EMC3: variants seen among roughly 807,000 people sequenced by gnomAD.
The protein encoded by EMC3 is 30 kDa protein.
Under a neutral mutation model 36.6 loss-of-function variants are expected in EMC3, and 13 were observed. The observed-to-expected ratio is 0.35, with a 90% CI of 0.23 to 0.56. The LOEUF (loss-of-function observed/expected upper bound fraction) is 0.56, where lower values mean the gene tolerates loss of function less well. Ranked by LOEUF, EMC3 falls within the 20% of genes least tolerant of loss-of-function variation. The pLI, the probability that EMC3 is intolerant of heterozygous loss-of-function variation, is 0.84. For missense variants in EMC3, 220 were observed against 324.5 expected (o/e 0.68, Z 2.47); for synonymous variants, 120 against 111.9 (o/e 1.07, Z -0.46).
chr3:9,975,092 T>C lies in EMC3; in HGVS notation c.308-604A>G, dbSNP rs2085832393. Among the ~76,000 whole-genome samples, 4 of 150,640 alleles carry C rather than the reference T, an allele frequency of 2.7e-5. No individual in the cohort carries two copies. The South Asian group carries it at 8.5e-4, about 32-fold the overall frequency. ...GCCAGGCTGGTCTTGAACTCGTGAC[T>C]GACCTCAAGTGATCTGCCTGCCTCG... On this transcript the variant is annotated intron_variant, in intron 3 of 7. Transcript: ENST00000245046.
rs146417697 is a variant in EMC3 at position 10,003,182 on chromosome 3, G to T, written c.-242+7841C>A. 1.2e-3 allele frequency: 531 copies of T among 456,696 alleles called. 1 individual carries two copies. The highest frequency in any genetic ancestry group is 9.5e-3 in the African/African-American group (479 of 50,176). The allele number at this position is 456,696 out of a possible 1,614,324, so 28.3% of individuals were successfully genotyped here. A position where few individuals can be genotyped will look rare whatever the true frequency, so the allele number is the denominator to read the frequency against. On this transcript the variant is annotated intron_variant, in intron 1 of 8. Transcript: ENST00000470827. ...TCCACCAAGAGCACCAGTAGCAGTG[G>T]CAGAGACCCAGAAATGTCCCTGACA...
intron 1 of EMC3, among the ~76,000 whole-genome samples, chr3:10,006,144 C>T (rs370453093): frequency 2.0e-5 from 3 of 152,176 alleles, no homozygotes; most frequent in African/African-American, 4.8e-5. Context: ...CTGGTGAAGT[C>T]TTAGAAACGT....
chr3:9,991,823 C>T (rs543792194), upstream of EMC3, among the ~76,000 whole-genome samples: 4 of 152,284 alleles, frequency 2.6e-5, no homozygotes, highest in South Asian at 2.1e-4. Flanking sequence ...TTCCACAGAC[C>T]GTTTCGGGGC....
At chr3:10,010,863 G>A (rs1306036716) in intron 1 of EMC3, 1 of 152,294 alleles carries the variant, frequency 6.6e-6, no homozygotes, top group Non-Finnish European at 1.5e-5. Context: ...TGGCCCGCAG[G>A]GGACGCGGCC....
intron 7 of EMC3, chr3:9,969,136 T>G (rs1372165828): frequency 2.3e-5 from 4 of 174,500 alleles, no homozygotes; most frequent in Non-Finnish European, 4.7e-5. Context: ...ATTTTTGTAT[T>G]TTTAATAGAG....
At chr3:9,985,847 T>G (rs543132059) in intron 1 of EMC3, among the ~76,000 whole-genome samples, 1 of 152,268 alleles carries the variant, frequency 6.6e-6, no homozygotes, top group Non-Finnish European at 1.5e-5. Context: ...TGAGCTGAGA[T>G]GACGCCACCG....
intron 6 of EMC3, 136 bp from the exon 7 acceptor site, chr3:9,969,937 G>A: frequency 2.1e-6 from 3 of 1,398,218 alleles, no homozygotes; most frequent in Non-Finnish European, 2.8e-6. Flanking sequence ...CACTGGCTAT[G>A]TGACTCTAGG....
chr3:9,997,967 C>A (rs1285697981), intron 1 of EMC3, among the ~76,000 whole-genome samples: 3 of 152,238 alleles, frequency 2.0e-5, no homozygotes, highest in African/African-American at 7.2e-5. Flanking sequence ...TTTTGAGGAA[C>A]CACCACCGCT....
chr3:9,969,245 C>A, intron 7 of EMC3: 4 of 835,956 alleles, frequency 4.8e-6, no homozygotes, highest in Non-Finnish European at 6.1e-6. Context: ...CACGTGTGAG[C>A]CCCTGTGCCT....
chr3:9,969,454 C>T (rs1421944712), intron 7 of EMC3: 8 of 1,348,670 alleles, frequency 5.9e-6, no homozygotes, highest in Non-Finnish European at 7.6e-6. Flanking sequence ...CCTGGCACCT[C>T]CGATTGGATT....
At chr3:9,994,041 T>C in intron 1 of EMC3, 1 of 1,143,262 alleles carries the variant, frequency 8.7e-7, no homozygotes, top group East Asian at 2.6e-5. Flanking sequence ...AGGATTATTC[T>C]GTGTAAAACA....
At position 10,006,991 on chromosome 3, in the gene EMC3, C is replaced by A; in HGVS notation, c.-242+4032G>T. On this transcript the variant is annotated intron_variant, in intron 1 of 8. Transcript: ENST00000470827. Reference sequence around the variant, plus strand: ...AATAAAAATGGTTACTGATAAGTGACCGGTTCTTGCAAATCTTGTAGTAAC... The same window carrying A: ...AATAAAAATGGTTACTGATAAGTGAACGGTTCTTGCAAATCTTGTAGTAAC... The A allele has an allele frequency of 7.0e-6, 2 of 283,836 alleles. 1 individual carries two copies. The highest frequency in any genetic ancestry group is 6.1e-5 in the South Asian group (2 of 32,758). 17.6% of individuals were successfully genotyped at this position (283,836 alleles called of 1,614,324 possible).
intron 1 of EMC3, among the ~76,000 whole-genome samples, chr3:10,006,028 T>G (rs1238990038): frequency 6.6e-6 from 1 of 152,230 alleles, no homozygotes. Flanking sequence ...TTCTTGCCAG[T>G]ACACCTGCCA....
chr3:9,998,754 TTTTG>T (rs2086161576), intron 1 of EMC3, among the ~76,000 whole-genome samples: 4 of 152,226 alleles, frequency 2.6e-5, no homozygotes, highest in African/African-American at 9.6e-5. Context: ...CTTTACCCAT[TTTTG>T]TTTGTTTTGT....
intron 1 of EMC3, among the ~76,000 whole-genome samples, 185 bp downstream of exon 1, chr3:9,986,322 C>A (rs1037899787): frequency 2.0e-5 from 3 of 152,154 alleles, no homozygotes; most frequent in Non-Finnish European, 4.4e-5. Flanking sequence ...TCCTACCTGT[C>A]TATGAAGCAG....
At chr3:9,965,128 G>A (rs78655947) in intron 7 of EMC3, among the ~76,000 whole-genome samples, 2 of 150,920 alleles carry the variant, frequency 1.3e-5, no homozygotes, top group South Asian at 2.1e-4. Context: ...AAAAGCTTGC[G>A]AGATGTGGTA....
At chr3:9,991,079 T>C (rs1260008585), upstream of EMC3, among the ~76,000 whole-genome samples, 9 of 150,056 alleles carry the variant, frequency 6.0e-5, no homozygotes, top group Admixed American at 2.7e-4. Context: ...CTGCCCGCCT[T>C]GGCCTCCCAA....
In EMC3 at chr3:9,966,789, G is replaced by A. The variant is rs1202102304; in HGVS notation, c.658-2592C>T. Among the ~76,000 whole-genome samples the A allele has an allele frequency of 1.7e-4, 26 of 151,628 alleles. 1 individual carries two copies. The highest frequency in any genetic ancestry group is 1.6e-3 in the Admixed American group (25 of 15,236). On this transcript the variant is annotated intron_variant, in intron 7 of 7. Transcript: ENST00000245046. ...GGCATTTCACCATGTTGGCCAGGCT[G>A]GTCTCAAGCTCCTGACCTCAAATGA...
chr3:9,989,134 A>G (rs959718017), upstream of EMC3, among the ~76,000 whole-genome samples: 1 of 152,240 alleles, frequency 6.6e-6, no homozygotes, highest in Non-Finnish European at 1.5e-5. Flanking sequence ...AGATAATGGC[A>G]TTCCATGTTT....
Sources: allele counts gnomAD v4.1 joint callset (sites outside exome capture counted in the v4.1 genomes callset), GRCh38; gene constraint gnomAD v4.1.1; transcripts MANE v1.5; gene names NCBI Gene and HGNC (gene_info 2026-07-23, HGNC 2026-07-21).